Variants in PCM1 observed in about 807,000 individuals in gnomAD.
PCM1 encodes pericentriolar material 1 protein.
Under a neutral mutation model 241.9 loss-of-function variants are expected in PCM1, and 157 were observed. That is an observed-to-expected ratio of 0.65 (90% CI 0.57 to 0.74). The LOEUF is 0.74. PCM1 is among the 30% of genes least tolerant of loss of function. The pLI is 0.00. For synonymous variants in PCM1, 1,085 were observed against 784.9 expected (o/e 1.38, Z -6.39); for missense variants, 3,478 against 2,360.1 (o/e 1.47, Z -9.81).
intron 6 of PCM1, among the ~76,000 whole-genome samples, chr8:17,943,010 AAAG>A (rs1171671286): frequency 1.3e-5 from 2 of 151,944 alleles, no homozygotes; most frequent in Non-Finnish European, 2.9e-5. Context: ...AAAAAAAAAA[AAAG>A]AGTTTGAATA....
At chr8:17,932,840 G>A (rs2059422913) in intron 2 of PCM1, among the ~76,000 whole-genome samples, 1 of 151,980 alleles carries the variant, frequency 6.6e-6, no homozygotes, top group South Asian at 2.1e-4. Flanking sequence ...TATTTTGATA[G>A]TATGATATAA....
In PCM1 at chr8:17,968,963, CTA is replaced by C. The variant is rs201652832; in HGVS notation, c.3413-609_3413-608del. Among the ~76,000 whole-genome samples, 7 of 152,138 alleles carry C rather than the reference CTA, an allele frequency of 4.6e-5. No individual in the cohort carries two copies. The East Asian group carries it at 1.4e-3, about 29-fold the overall frequency. ...AATATACTTCATACCCACACCAACT[CTA>C]TATAAAGGCTCTTCATTCTTCTTAA... On this transcript the variant is annotated intron_variant, in intron 21 of 38. Coordinates refer to ENST00000325083, the MANE Select transcript of PCM1 (RefSeq NM_006197.4).
At chr8:17,932,106 G>C (rs73580033) in intron 2 of PCM1, among the ~76,000 whole-genome samples, 2,240 of 152,000 alleles carry the variant, frequency 0.015, 63 homozygotes, top group African/African-American at 0.052. Context: ...TATTGTCCAG[G>C]CTTCATAATT....
rs761360736 is a variant in PCM1 at position 17,956,586 on chromosome 8, A to C, written c.1473-18A>C. Reference sequence around the variant, plus strand: ...TAAAATGGGTGTAAATCGTATACATAAATTTTTTGTTTATCAGGAAGTTAA... The same window carrying C: ...TAAAATGGGTGTAAATCGTATACATCAATTTTTTGTTTATCAGGAAGTTAA... On this transcript the variant is annotated intron_variant, in intron 10 of 38. Transcript: ENST00000325083. The C allele has an allele frequency of 6.6e-7, 1 of 1,508,126 alleles. No individual in the cohort carries two copies. The highest frequency in any genetic ancestry group is 2.3e-5 in the East Asian group (1 of 43,632). The allele number at this position is 1,508,126 out of a possible 1,614,324, so 93.4% of individuals were successfully genotyped here.
intron 35 of PCM1, among the ~76,000 whole-genome samples, chr8:18,014,322 T>C (rs112610830): frequency 7.3e-5 from 11 of 151,248 alleles, no homozygotes; most frequent in African/African-American, 2.7e-4. Flanking sequence ...AAAAAAAAAA[T>C]CTATTTGTAG....
chr8:17,952,255 A>ATAAATAAATAAATAAAT (rs1193057755), intron 8 of PCM1, among the ~76,000 whole-genome samples: 2 of 143,600 alleles, frequency 1.4e-5, no homozygotes, highest in African/African-American at 5.1e-5. Context: ...AAATAAATAA[A>ATAAATAAATAAATAAAT]AAATAAAGGA....
chr8:17,990,788 G>C (rs138491968), intron 27 of PCM1, among the ~76,000 whole-genome samples: 3 of 152,222 alleles, frequency 2.0e-5, no homozygotes, highest in African/African-American at 7.2e-5. Context: ...CCACTATAAA[G>C]AAAAGGACTT....
intron 38 of PCM1, 40 bp from the exon 39 acceptor site, chr8:18,027,597 C>A (rs776068840): frequency 1.4e-6 from 2 of 1,432,470 alleles, no homozygotes; most frequent in African/African-American, 1.4e-5. Context: ...TCTAGTAATT[C>A]GATAAGTAAT....
At position 17,960,227 on chromosome 8, in the gene PCM1, G is replaced by C. The variant is rs572806529; in HGVS notation, c.2192+62G>C. 5 of 1,553,940 alleles carry C rather than the reference G, an allele frequency of 3.2e-6. No individual in the cohort carries two copies. The Admixed American group carries it at 9.9e-5, about 31-fold the overall frequency. ...AAATTTAGTGCCTGTTTTGGAGAAGGTGCTCAGCTAGGTACTGTGTTATGT... is the reference window on the plus strand; with the variant it reads ...AAATTTAGTGCCTGTTTTGGAGAAGCTGCTCAGCTAGGTACTGTGTTATGT... On this transcript the variant is annotated intron_variant, in intron 14 of 38. Coordinates refer to ENST00000325083, the MANE Select transcript of PCM1 (RefSeq NM_006197.4).
At chr8:18,013,687 G>T (rs893758283) in intron 34 of PCM1, 2 of 283,484 alleles carry the variant, frequency 7.1e-6, no homozygotes, top group African/African-American at 2.2e-5. Flanking sequence ...TCTGCATTAA[G>T]TGTCTTTTAG....
rs763073232 is a variant in PCM1, at chr8:17,956,826, A to G, written c.1646+49A>G. Reference sequence around the variant, plus strand: ...TTTCCAGCATATTCATTCTGTCTTGATACTTATAATGTGGGAACAAAAATA... The same window carrying G: ...TTTCCAGCATATTCATTCTGTCTTGGTACTTATAATGTGGGAACAAAAATA... On this transcript the variant is annotated intron_variant, in intron 11 of 38. Transcript: ENST00000325083. 5.1e-6 allele frequency: 7 copies of G among 1,370,768 alleles called. No homozygotes were observed. The Admixed American group carries it at 1.3e-4, about 26-fold the overall frequency. 84.9% of individuals were successfully genotyped at this position (1,370,768 alleles called of 1,614,324 possible). A position where few individuals can be genotyped will look rare whatever the true frequency, so the allele number is the denominator to read the frequency against.
intron 2 of PCM1, chr8:17,925,280 T>C (rs947030908): frequency 1.1e-4 from 17 of 152,242 alleles, no homozygotes; most frequent in African/African-American, 3.9e-4. Context: ...AACATTACTT[T>C]TAGCGCATAG....
intron 36 of PCM1, among the ~76,000 whole-genome samples, chr8:18,018,763 A>G (rs1267105486): frequency 6.7e-6 from 1 of 149,934 alleles, no homozygotes; most frequent in African/African-American, 2.5e-5. Context: ...GTGAGCTGAG[A>G]TCGTGCCACT....
chr8:18,025,567 A>G lies in PCM1; in HGVS notation c.5958A>G (p.Val1986=), dbSNP rs2094132879. 1 of 1,581,510 alleles carries G rather than the reference A, an allele frequency of 6.3e-7. No homozygotes were observed. The highest frequency in any genetic ancestry group is 8.6e-7 in the Non-Finnish European group (1 of 1,162,996). Residue 1986 remains valine, a synonymous_variant, in exon 38 of 39, where the codon GTA becomes GTG. Coordinates refer to ENST00000325083, the MANE Select transcript of PCM1 (RefSeq NM_006197.4). ...YSEADLRKKM[V]EEEQKNHLSG... is the part of the protein sequence containing the mutation. ...AGGCAGATCTAAGAAAGAAAATGGT[A>G]GAAGAAGAACAGAAAAACCATTTAT...
At position 17,956,653 on chromosome 8, in the gene PCM1, C is replaced by A. The variant is rs752805702; in HGVS notation, c.1522C>A (p.His508Asn). The change falls in exon 11 of 39, where the codon CAT (histidine) becomes AAT (asparagine). Residue 508 changes from histidine (H) to asparagine (N), a missense_variant. Physicochemically the swap from His to Asn is moderately conservative, Grantham distance 68 (BLOSUM62 1). Coordinates refer to ENST00000325083, the MANE Select transcript of PCM1 (RefSeq NM_006197.4). ...ATTGAATGAGCTAAGAGAATTAGTT[C>A]ATTATTATGAACAAACGTCAGACAT... is the stretch of plus-strand genomic sequence containing the variant. ...KRLNELRELV[H>N]YYEQTSDMMT... The A allele has an allele frequency of 1.9e-6, 3 of 1,601,710 alleles. No homozygotes were observed. Among genetic ancestry groups the A allele is most frequent in the African/African-American group, 2.7e-5 (2 of 74,642 alleles).
At chr8:17,994,508 G>A (rs2085883928) in intron 29 of PCM1, among the ~76,000 whole-genome samples, 1 of 152,166 alleles carries the variant, frequency 6.6e-6, no homozygotes, top group Admixed American at 6.5e-5. Flanking sequence ...TGTGCAGATA[G>A]CCCTTTAATA....
chr8:18,021,634 T>A (rs2093762126), intron 36 of PCM1, among the ~76,000 whole-genome samples: 1 of 152,192 alleles, frequency 6.6e-6, no homozygotes, highest in Non-Finnish European at 1.5e-5. Flanking sequence ...ATTTTCAAAC[T>A]CGGTGGCACT....
intron 7 of PCM1, among the ~76,000 whole-genome samples, chr8:17,949,847 GTTAT>G (rs1037933118): frequency 6.6e-6 from 1 of 152,138 alleles, no homozygotes; most frequent in Non-Finnish European, 1.5e-5. Context: ...TAAGGATGGA[GTTAT>G]TTGTTAGTAG....
At chr8:17,960,239 G>A (rs1025758109) in intron 14 of PCM1, 74 bp downstream of exon 14, 6 of 1,559,738 alleles carry the variant, frequency 3.8e-6, no homozygotes, top group East Asian at 2.2e-5. Flanking sequence ...GCTCAGCTAG[G>A]TACTGTGTTA....
Sources: allele counts gnomAD v4.1 joint callset (sites outside exome capture counted in the v4.1 genomes callset), GRCh38; gene constraint gnomAD v4.1.1; transcripts MANE v1.5; gene names NCBI Gene and HGNC (gene_info 2026-07-23, HGNC 2026-07-21).